Variants in NAMPT observed in about 807,000 individuals in gnomAD.
NAMPT encodes the protein NAmPRTase.
In NAMPT, 7 loss-of-function variants were observed where a neutral mutation model predicts 58.7. The ratio of observed to expected loss-of-function variants is 0.12; its 90% CI spans 0.07 to 0.22. The LOEUF (loss-of-function observed/expected upper bound fraction) is 0.22, where lower values mean the gene tolerates loss of function less well. Ranked by LOEUF, NAMPT falls within the 10% of genes least tolerant of loss-of-function variation. The pLI, the probability that NAMPT is intolerant of heterozygous loss-of-function variation, is 1.00. For synonymous variants in NAMPT, 145 were observed against 198.1 expected (o/e 0.73, Z 2.25); for missense variants, 271 against 567.9 (o/e 0.48, Z 5.31).
intron 6 of NAMPT, among the ~76,000 whole-genome samples, chr7:106,266,975 ATC>A (rs1792425848): frequency 6.6e-6 from 1 of 152,040 alleles, no homozygotes; most frequent in Non-Finnish European, 1.5e-5. Flanking sequence ...TCCCTACAAA[ATC>A]TGTGTTTCAG....
intron 6 of NAMPT, among the ~76,000 whole-genome samples, chr7:106,264,110 T>C (rs758552977): frequency 1.6e-4 from 25 of 152,198 alleles, no homozygotes; most frequent in South Asian, 6.2e-4. Context: ...TTTCAAAATC[T>C]TATACTTAGA....
intron 6 of NAMPT, 74 bp downstream of exon 6, chr7:106,268,390 G>A (rs1792469703): frequency 1.4e-6 from 2 of 1,420,932 alleles, no homozygotes; most frequent in Non-Finnish European, 1.9e-6. Context: ...TCTGCAGTTA[G>A]GTAAAATGTC....
rs1443447601 is a variant in NAMPT at position 106,254,504 on chromosome 7, T to G, written c.1090A>C (p.Ile364Leu). 2 of 1,613,280 alleles carry G rather than the reference T, an allele frequency of 1.2e-6. No homozygotes were observed. The highest frequency in any genetic ancestry group is 1.7e-6 in the Non-Finnish European group (2 of 1,179,542). Residue 364 changes from isoleucine (I) to leucine (L), a missense_variant and splice_region_variant, in exon 9 of 11, where the codon ATT (isoleucine) becomes CTT (leucine). Ile to Leu is a conservative substitution (Grantham distance 5). Coordinates refer to ENST00000222553, the MANE Select transcript of NAMPT (RefSeq NM_005746.3). Reference protein sequence around the residue: ...DGVDINTLQEIVEGMKQKMWS... With the variant: ...DGVDINTLQELVEGMKQKMWS... The stretch of plus-strand genomic sequence containing the variant: ...ATTTTTTGTTTCATGCCTTCTACAA[T>G]CTAGAAGATTAAAACAAAACAAAAC...
chr7:106,263,772 TG>T (rs1201250991), intron 6 of NAMPT, among the ~76,000 whole-genome samples, 155 bp from the exon 7 acceptor site: 2 of 152,000 alleles, frequency 1.3e-5, no homozygotes, highest in Non-Finnish European at 2.9e-5. Context: ...GTAAGGCAAA[TG>T]AAGTAGCTGG....
chr7:106,282,532 G>A (rs1792786898), intron 1 of NAMPT, among the ~76,000 whole-genome samples: 2 of 152,164 alleles, frequency 1.3e-5, no homozygotes, highest in Admixed American at 6.5e-5. Context: ...TGAAAATAGA[G>A]GAACCACAGT....
At chr7:106,259,763 TGATGGATAGGCTGTC>T in intron 8 of NAMPT, among the ~76,000 whole-genome samples, 1 of 152,206 alleles carries the variant, frequency 6.6e-6, no homozygotes, top group Non-Finnish European at 1.5e-5. Flanking sequence ...AATTACTCTT[TGATGGATAGGCTGTC>T]GAACGGACGT....
At chr7:106,273,978 A>G (rs1464197938) in intron 3 of NAMPT, among the ~76,000 whole-genome samples, 2 of 151,886 alleles carry the variant, frequency 1.3e-5, no homozygotes, top group Non-Finnish European at 1.5e-5. Flanking sequence ...CAACATCAAG[A>G]TACGCCAACA....
rs1792095637 is a variant in NAMPT at position 106,250,998 on chromosome 7, A to G, written c.*85T>C. On this transcript the variant is annotated 3_prime_UTR_variant, in exon 11 of 11. Transcript: ENST00000222553. ...ATAAACCAACAAATAATTTGGCTGT[A>G]ATGTATCATAAAACACAAACCCCAC... is the stretch of plus-strand genomic sequence containing the variant. 3.0e-6 allele frequency: 3 copies of G among 1,016,542 alleles called. No homozygotes were observed. The African/African-American group carries it at 4.9e-5, about 16-fold the overall frequency. The allele number at this position is 1,016,542 out of a possible 1,614,324, so 63.0% of individuals were successfully genotyped here.
rs747436897 is a variant in NAMPT, at chr7:106,277,189, G to T, written c.58-10C>A. On this transcript the variant is annotated splice_polypyrimidine_tract_variant and intron_variant, in intron 1 of 10. Transcript: ENST00000222553. Reference sequence around the variant, plus strand: ...GTTTATAGTGAGTAACCTATGTAAAGAAATACACTTCTGTTAGAAAACACC... The same window carrying T: ...GTTTATAGTGAGTAACCTATGTAAATAAATACACTTCTGTTAGAAAACACC... The T allele has an allele frequency of 3.7e-6, 6 of 1,602,404 alleles. No homozygotes were observed. The East Asian group carries it at 1.3e-4, about 36-fold the overall frequency.
intron 4 of NAMPT, among the ~76,000 whole-genome samples, chr7:106,269,570 A>C (rs954306443): frequency 6.6e-6 from 1 of 152,220 alleles, no homozygotes; most frequent in Non-Finnish European, 1.5e-5. Flanking sequence ...TTTCTATCCA[A>C]AGCTTCAAAG....
intron 8 of NAMPT, among the ~76,000 whole-genome samples, chr7:106,257,751 A>G (rs1792228133): frequency 6.6e-6 from 1 of 152,260 alleles, no homozygotes; most frequent in African/African-American, 2.4e-5. Flanking sequence ...TGAACACCCA[A>G]CTTGAACTCC....
At chr7:106,270,831 G>A (rs1418522403) in intron 4 of NAMPT, among the ~76,000 whole-genome samples, 4 of 152,222 alleles carry the variant, frequency 2.6e-5, no homozygotes, top group Non-Finnish European at 5.9e-5. Flanking sequence ...AGCAAGAGCA[G>A]CAGACGACCA....
upstream of NAMPT, chr7:106,285,078 G>A (rs185688463): frequency 0.012 from 16,527 of 1,351,774 alleles, 136 homozygotes; most frequent in Non-Finnish European, 0.014. Context: ...CGCGGGTGAC[G>A]GCTGCGGCGG....
At chr7:106,267,876 A>AAAAAAAAAAAAC (rs1189395299) in intron 6 of NAMPT, among the ~76,000 whole-genome samples, 28 of 130,396 alleles carry the variant, frequency 2.1e-4, no homozygotes, top group Middle Eastern at 3.4e-3. Context: ...AAAAAAAAAA[A>AAAAAAAAAAAAC]CAACCTGATT....
chr7:106,256,463 T>G (rs1792200899), intron 8 of NAMPT, among the ~76,000 whole-genome samples: 1 of 152,206 alleles, frequency 6.6e-6, no homozygotes, highest in Non-Finnish European at 1.5e-5. Flanking sequence ...GCATCTAATT[T>G]AGTATACAAA....
intron 7 of NAMPT, among the ~76,000 whole-genome samples, chr7:106,262,742 T>C (rs928247056): frequency 6.6e-6 from 1 of 152,126 alleles, no homozygotes; most frequent in Non-Finnish European, 1.5e-5. Context: ...TAAGCCTCTG[T>C]TTTTTTCTTC....
intron 8 of NAMPT, among the ~76,000 whole-genome samples, chr7:106,260,877 G>C (rs1248759220): frequency 2.0e-5 from 3 of 152,116 alleles, no homozygotes; most frequent in Non-Finnish European, 4.4e-5. Context: ...GTGCCCTGTG[G>C]TGCCCTAAAA....
At chr7:106,285,001 G>A (rs1043747605), upstream of NAMPT, 8 of 1,456,994 alleles carry the variant, frequency 5.5e-6, no homozygotes, top group African/African-American at 2.8e-5. Context: ...CGGCGGAGGA[G>A]GGGGAGAGGG....
At chr7:106,283,006 T>G (rs1792795477) in intron 1 of NAMPT, among the ~76,000 whole-genome samples, 1 of 152,142 alleles carries the variant, frequency 6.6e-6, no homozygotes, top group African/African-American at 2.4e-5. Flanking sequence ...AAATGAAACC[T>G]AAGACTTAAA....
Sources: allele counts gnomAD v4.1 joint callset (sites outside exome capture counted in the v4.1 genomes callset), GRCh38; gene constraint gnomAD v4.1.1; transcripts MANE v1.5; gene names NCBI Gene and HGNC (gene_info 2026-07-23, HGNC 2026-07-21).